The following JPH2 variants were observed in gnomAD, a reference collection of about 807,000 sequenced individuals.
JPH2 encodes the protein junctophilin 2.
In JPH2, 38 loss-of-function variants were observed where a neutral mutation model predicts 55.9. That is an observed-to-expected ratio of 0.68 (90% CI 0.52 to 0.89). JPH2 has a LOEUF of 0.89. JPH2 is among the 40% of genes least tolerant of loss of function. JPH2 has a pLI of 0.00. For synonymous variants in JPH2, 480 were observed against 472.4 expected (o/e 1.02, Z -0.21); for missense variants, 964 against 1,037.6 (o/e 0.93, Z 0.97).
chr20:44,150,262 T>G (rs566699494), intron 2 of JPH2, among the ~76,000 whole-genome samples: 2 of 152,076 alleles, frequency 1.3e-5, no homozygotes, highest in South Asian at 4.2e-4. Context: ...AACCTGAAAA[T>G]AAAATTTAAA....
chr20:44,111,197 C>T lies in JPH2; in HGVS notation c.*2321G>A, dbSNP rs147717551. On this transcript the variant is annotated 3_prime_UTR_variant, in exon 6 of 6. Coordinates refer to ENST00000372980, the MANE Select transcript of JPH2 (RefSeq NM_020433.5). ...ACTGGTATCTGAATCACCTCCATCCCTTTGGGGTCCCTGGGATCCTCTACC... is the reference window on the plus strand; with the variant it reads ...ACTGGTATCTGAATCACCTCCATCCTTTTGGGGTCCCTGGGATCCTCTACC... Among the ~76,000 whole-genome samples, 13 of 152,290 alleles carry T rather than the reference C, an allele frequency of 8.5e-5. No individual in the cohort carries two copies. The highest frequency in any genetic ancestry group is 3.4e-3 in the Middle Eastern group (1 of 294).
At chr20:44,154,978 C>T (rs1012992605) in intron 2 of JPH2, among the ~76,000 whole-genome samples, 2 of 151,690 alleles carry the variant, frequency 1.3e-5, no homozygotes, top group African/African-American at 2.4e-5. Context: ...GCTCACTTCC[C>T]GGCTGTGGGC....
At position 44,160,431 on chromosome 20, in the gene JPH2, C is replaced by T. The variant is rs942789550; in HGVS notation, c.380-24G>A. On this transcript the variant is annotated intron_variant, in intron 1 of 5. Coordinates refer to ENST00000372980, the MANE Select transcript of JPH2 (RefSeq NM_020433.5). The surrounding 1 kb of genome is among the most constrained non-coding windows in gnomAD (Gnocchi z 4.9). Reference sequence around the variant, plus strand: ...CCCTGCGGGCGAGGAGAGGGCGCGTCAGTAGGCGGCACGACGGGTCCCCGC... The same window carrying T: ...CCCTGCGGGCGAGGAGAGGGCGCGTTAGTAGGCGGCACGACGGGTCCCCGC... 170 of 1,603,934 alleles carry T rather than the reference C, an allele frequency of 1.1e-4. No homozygotes were observed. The highest frequency in any genetic ancestry group is 5.6e-4 in the Middle Eastern group (3 of 5,370).
chr20:44,134,801 TTATA>T (rs1453561260), intron 2 of JPH2, among the ~76,000 whole-genome samples: 8 of 99,720 alleles, frequency 8.0e-5, no homozygotes, highest in East Asian at 3.3e-4. Context: ...TATACATTTA[TTATA>T]AATATATATA....
chr20:44,150,225 G>A (rs1195893640), intron 2 of JPH2, among the ~76,000 whole-genome samples: 2 of 152,116 alleles, frequency 1.3e-5, no homozygotes, highest in Non-Finnish European at 2.9e-5. Flanking sequence ...GATGGTTCTA[G>A]ACTAAGAGAT....
At chr20:44,169,080 T>G (rs1473536285) in intron 1 of JPH2, among the ~76,000 whole-genome samples, 1 of 152,134 alleles carries the variant, frequency 6.6e-6, no homozygotes, top group African/African-American at 2.4e-5. Flanking sequence ...CTGAGGCCCT[T>G]ATCAGAGGTA....
At position 44,160,354 on chromosome 20, in the gene JPH2, G is replaced by T; in HGVS notation, c.433C>A (p.Gln145Lys). 1 of 1,598,464 alleles carries T rather than the reference G, an allele frequency of 6.3e-7. No homozygotes were observed. Among genetic ancestry groups the T allele is most frequent in the South Asian group, 1.1e-5 (1 of 88,512 alleles). The part of the protein sequence containing the change: ...NGMRHGYGVR[Q>K]SVPYGMAVVV... ...ACGGCCATCCCGTAGGGCACGCTCT[G>T]GCGTACTCCGTAGCCATGGCGCATG... is the stretch of plus-strand genomic sequence containing the variant. The change falls in exon 2 of 6, where the codon CAG becomes AAG. Residue 145 changes from glutamine to lysine, a missense_variant. By Grantham distance (53) the Gln-to-Lys change is moderately conservative. Transcript: ENST00000372980. The surrounding 1 kb of genome is among the most constrained non-coding windows in gnomAD (Gnocchi z 4.9).
rs1007500277 is a variant in JPH2, at chr20:44,108,918, T to G, written c.*4600A>C. Among the ~76,000 whole-genome samples, 3 of 152,148 alleles carry G rather than the reference T, an allele frequency of 2.0e-5. No homozygotes were observed. Among genetic ancestry groups the G allele is most frequent in the African/African-American group, 7.2e-5 (3 of 41,430 alleles). On this transcript the variant is annotated 3_prime_UTR_variant, in exon 6 of 6. Transcript: ENST00000372980. ...GGCCAGATGAGCTGATATCTTAGAG[T>G]GCCTCCATCTCTGACAACCTAAGGA...
intron 2 of JPH2, among the ~76,000 whole-genome samples, chr20:44,153,805 C>T (rs534525408): frequency 1.3e-5 from 2 of 152,164 alleles, no homozygotes; most frequent in Non-Finnish European, 2.9e-5. Flanking sequence ...CTTTGAGGTG[C>T]GTCTTCTAGA....
intron 2 of JPH2, among the ~76,000 whole-genome samples, chr20:44,149,646 A>T (rs2072517232): frequency 6.6e-6 from 1 of 152,094 alleles, no homozygotes; most frequent in Non-Finnish European, 1.5e-5. Context: ...CTGCTCCTAA[A>T]TCAAGTCCTC....
In JPH2 at chr20:44,116,099, G is replaced by T. The variant is rs778031104; in HGVS notation, c.1576C>A (p.Pro526Thr). 4 of 1,498,276 alleles carry T rather than the reference G, an allele frequency of 2.7e-6. No homozygotes were observed. The highest frequency in any genetic ancestry group is 2.2e-5 in the Admixed American group (1 of 45,106). 92.8% of individuals were successfully genotyped at this position (1,498,276 alleles called of 1,614,324 possible). A position where few individuals can be genotyped will look rare whatever the true frequency, so the allele number is the denominator to read the frequency against. The change falls in exon 4 of 6, where the codon CCG becomes ACG. Residue 526 changes from proline (P) to threonine (T), a missense_variant. Physicochemically the swap from Pro to Thr is conservative, Grantham distance 38. Transcript: ENST00000372980. The stretch of plus-strand genomic sequence containing the variant: ...CTGCGGCGGCCCGCGCCCTCGGACG[G>T]AGTGACTGACCGGCTGCCCTCACCG... ...PSGEGSRSVTPSEGAGRRSPA... is the reference protein window; with the variant it reads ...PSGEGSRSVTTSEGAGRRSPA...
rs1304311676 is a variant in JPH2, at chr20:44,160,882, A to G, written c.380-475T>C. Among the ~76,000 whole-genome samples the G allele has an allele frequency of 1.3e-5, 2 of 152,176 alleles. No homozygotes were observed. Among genetic ancestry groups the G allele is most frequent in the Non-Finnish European group, 2.9e-5 (2 of 68,024 alleles). On this transcript the variant is annotated intron_variant, in intron 1 of 5. Transcript: ENST00000372980. This position sits in a 1 kb window ranked among gnomAD's most constrained non-coding sequence, Gnocchi z 4.9. ...ATGGATCGCTTGAGCTCAGGAGTTC[A>G]AGACCAACCTGGGCAACATGGTGAA... is the stretch of plus-strand genomic sequence containing the variant.
Position 44,116,416 on chromosome 20 carries a change from C to G in JPH2, c.1289-30G>C, listed in dbSNP as rs552914206. The G allele has an allele frequency of 5.2e-6, 8 of 1,544,214 alleles. No individual in the cohort carries two copies. In the African/African-American group the frequency reaches 6.9e-5, roughly 13 times the overall value. On this transcript the variant is annotated intron_variant, in intron 3 of 5. Transcript: ENST00000372980. ...CAGGGCAACACAGGGAGGCTGGGCTCGAACCCCGCACCACTGTTGGGTGAT... is the reference window on the plus strand; with the variant it reads ...CAGGGCAACACAGGGAGGCTGGGCTGGAACCCCGCACCACTGTTGGGTGAT...
At chr20:44,126,168 G>GCGGGAGGGAGGAAGGAAGGAAGGA (rs1555854537) in intron 2 of JPH2, among the ~76,000 whole-genome samples, 1 of 36,304 alleles carries the variant, frequency 2.8e-5, no homozygotes, top group Non-Finnish European at 5.1e-5. Context: ...GGGAGGGAGG[G>GCGGGAGGGAGGAAGGAAGGAAGGA]AGGAAGGAAG....
At chr20:44,177,090 C>T in intron 1 of JPH2, 1 of 985,518 alleles carries the variant, frequency 1.0e-6, no homozygotes, top group Non-Finnish European at 1.2e-6. Flanking sequence ...TGCCAGGCAA[C>T]TCTCATCAGT....
chr20:44,184,963 T>C (rs1163997594), intron 1 of JPH2, among the ~76,000 whole-genome samples: 1 of 152,196 alleles, frequency 6.6e-6, no homozygotes, highest in Non-Finnish European at 1.5e-5. Context: ...TTTGTAAAAA[T>C]GGGGATCTTG....
intron 2 of JPH2, among the ~76,000 whole-genome samples, chr20:44,150,449 G>A (rs557289394): frequency 2.0e-5 from 3 of 152,262 alleles, no homozygotes; most frequent in Non-Finnish European, 1.5e-5. Context: ...TTGTTAAAAG[G>A]ACAATATTCC....
At chr20:44,153,140 G>A (rs554016743) in intron 2 of JPH2, among the ~76,000 whole-genome samples, 2 of 152,332 alleles carry the variant, frequency 1.3e-5, no homozygotes, top group Non-Finnish European at 2.9e-5. Context: ...GACTGAGAGA[G>A]AAGACAGGGC....
At chr20:44,163,218 TC>T (rs2072628303) in intron 1 of JPH2, among the ~76,000 whole-genome samples, 1 of 152,198 alleles carries the variant, frequency 6.6e-6, no homozygotes, top group Non-Finnish European at 1.5e-5. Flanking sequence ...TCCGTTAATA[TC>T]TGCAAAATGG....
Sources: allele counts gnomAD v4.1 joint callset (sites outside exome capture counted in the v4.1 genomes callset), GRCh38; gene constraint gnomAD v4.1.1; non-coding constraint Gnocchi (gnomAD v3.1); transcripts MANE v1.5; gene names NCBI Gene and HGNC (gene_info 2026-07-23, HGNC 2026-07-21).